DAB1: variants seen among roughly 807,000 people sequenced by gnomAD.
DAB1 encodes DAB adaptor protein 1.
In DAB1, 15 loss-of-function variants were observed where a neutral mutation model predicts 64.6. The ratio of observed to expected loss-of-function variants is 0.23; its 90% CI spans 0.16 to 0.36. The LOEUF is 0.36. DAB1 is among the 10% of genes least tolerant of loss of function. The pLI is 1.00. For missense variants in DAB1, 596 were observed against 706.7 expected (o/e 0.84, Z 1.78); for synonymous variants, 235 against 251.9 (o/e 0.93, Z 0.64).
chr1:57,329,821 C>A (rs1346264444), intron 1 of DAB1, among the ~76,000 whole-genome samples: 1 of 152,154 alleles, frequency 6.6e-6, no homozygotes, highest in Non-Finnish European at 1.5e-5. Flanking sequence ...GAAAAATCTA[C>A]TATCAAATAA....
chr1:58,174,373 C>A (rs919766131), intron 4 of DAB1, among the ~76,000 whole-genome samples: 2 of 152,178 alleles, frequency 1.3e-5, no homozygotes, highest in Non-Finnish European at 2.9e-5. Context: ...AGGATCAAGG[C>A]CATCAAGCTA....
At chr1:57,125,839 T>C (rs1316417886) in intron 4 of DAB1, among the ~76,000 whole-genome samples, 3 of 152,062 alleles carry the variant, frequency 2.0e-5, no homozygotes, top group African/African-American at 7.2e-5. Context: ...CTCAGGGAGA[T>C]GGTAGTTTAG....
intron 4 of DAB1, among the ~76,000 whole-genome samples, chr1:58,196,581 C>T (rs502534): frequency 0.8 from 121,116 of 152,122 alleles, 48,693 homozygotes; most frequent in South Asian, 0.87. Context: ...AGGAAAGAGA[C>T]TTAATCGACT....
intron 4 of DAB1, among the ~76,000 whole-genome samples, chr1:58,225,419 C>A (rs1659413196): frequency 6.6e-6 from 1 of 151,798 alleles, no homozygotes. Flanking sequence ...CCTCAGGGAT[C>A]TAGAACTAGA....
At chr1:58,182,117 C>T (rs527646738) in intron 4 of DAB1, among the ~76,000 whole-genome samples, 5 of 152,066 alleles carry the variant, frequency 3.3e-5, no homozygotes, top group East Asian at 1.9e-4. Flanking sequence ...TTCTGCCTTC[C>T]GGCCTCTATT....
At chr1:57,594,210 T>C (rs1645479542) in intron 7 of DAB1, among the ~76,000 whole-genome samples, 1 of 152,184 alleles carries the variant, frequency 6.6e-6, no homozygotes, top group Non-Finnish European at 1.5e-5. Flanking sequence ...GTGCTCTACA[T>C]ATGAAAGCTA....
chr1:57,291,335 T>C (rs1019709846), intron 1 of DAB1, among the ~76,000 whole-genome samples, 169 bp from the exon 2 acceptor site: 1 of 152,198 alleles, frequency 6.6e-6, no homozygotes, highest in African/African-American at 2.4e-5. Flanking sequence ...GCAAAGGGAA[T>C]GAGAGGCTTA....
intron 4 of DAB1, among the ~76,000 whole-genome samples, chr1:58,170,993 A>G (rs961810165): frequency 6.6e-6 from 1 of 151,524 alleles, no homozygotes; most frequent in Non-Finnish European, 1.5e-5. Context: ...AAGGTCCGTT[A>G]CCATCCGAGG....
chr1:57,720,618 T>C (rs1647138572), intron 6 of DAB1, among the ~76,000 whole-genome samples: 1 of 152,244 alleles, frequency 6.6e-6, no homozygotes, highest in Admixed American at 6.5e-5. Context: ...AAAATGGGGA[T>C]ATCAATATTC....
At chr1:57,280,226 C>A (rs1056358693) in intron 2 of DAB1, among the ~76,000 whole-genome samples, 3 of 152,202 alleles carry the variant, frequency 2.0e-5, no homozygotes, top group Non-Finnish European at 4.4e-5. Flanking sequence ...CACAAGGACA[C>A]ATGAACAATA....
At chr1:57,430,729 C>T (rs547389894) in intron 7 of DAB1, among the ~76,000 whole-genome samples, 1 of 152,056 alleles carries the variant, frequency 6.6e-6, no homozygotes, top group African/African-American at 2.4e-5. Context: ...TCAAAGTATA[C>T]GAACACAGAA....
intron 4 of DAB1, among the ~76,000 whole-genome samples, chr1:58,193,908 G>A (rs1055598157): frequency 6.6e-6 from 1 of 151,868 alleles, no homozygotes; most frequent in African/African-American, 2.4e-5. Context: ...AAGAGGTAAA[G>A]TAACTAAGTA....
chr1:57,841,794 G>A (rs1187811937), intron 1 of DAB1, among the ~76,000 whole-genome samples: 1 of 152,200 alleles, frequency 6.6e-6, no homozygotes, highest in East Asian at 1.9e-4. Flanking sequence ...GGGATGCTGT[G>A]AAGATCTCTG....
At chr1:57,122,109 T>C (rs1656719486) in intron 4 of DAB1, among the ~76,000 whole-genome samples, 2 of 152,134 alleles carry the variant, frequency 1.3e-5, no homozygotes, top group Admixed American at 1.3e-4. Context: ...TCCCTTTGCT[T>C]TGCTTGATAG....
At chr1:57,611,293 C>T (rs938672830) in intron 7 of DAB1, among the ~76,000 whole-genome samples, 1 of 152,098 alleles carries the variant, frequency 6.6e-6, no homozygotes, top group Admixed American at 6.5e-5. Flanking sequence ...TTTTAGGTAA[C>T]TCAGCTGAAA....
intron 7 of DAB1, among the ~76,000 whole-genome samples, chr1:57,581,491 C>T (rs1645311252): frequency 1.3e-5 from 2 of 152,170 alleles, no homozygotes; most frequent in Middle Eastern, 3.4e-3. Context: ...GTTGGGTTGA[C>T]TACTTGCGAG....
intron 1 of DAB1, among the ~76,000 whole-genome samples, chr1:57,307,726 G>C (rs765176464): frequency 6.7e-6 from 1 of 150,294 alleles, no homozygotes; most frequent in South Asian, 2.1e-4. Context: ...ACCCCCTTTC[G>C]TATCTGTTGA....
chr1:57,680,573 A>G (rs1646624477), intron 6 of DAB1, among the ~76,000 whole-genome samples: 1 of 151,776 alleles, frequency 6.6e-6, no homozygotes, highest in Non-Finnish European at 1.5e-5. Flanking sequence ...TCACTTCATC[A>G]CTCCAATGAT....
intron 1 of DAB1, among the ~76,000 whole-genome samples, chr1:57,416,566 T>G (rs1684512292): frequency 6.6e-6 from 1 of 152,160 alleles, no homozygotes; most frequent in Non-Finnish European, 1.5e-5. Context: ...GAGATGTCAA[T>G]AAAACATAGA....
Sources: allele counts gnomAD v4.1 joint callset (sites outside exome capture counted in the v4.1 genomes callset), GRCh38; gene constraint gnomAD v4.1.1; transcripts MANE v1.5; gene names NCBI Gene and HGNC (gene_info 2026-07-23, HGNC 2026-07-21).